The following PMF1 variants were observed in gnomAD, a reference collection of about 807,000 sequenced individuals.
PMF1 encodes the protein polyamine modulated factor 1.
In PMF1, 21 loss-of-function variants were observed where a neutral mutation model predicts 26.7. That is an observed-to-expected ratio of 0.79 (90% CI 0.56 to 1.13). The LOEUF (loss-of-function observed/expected upper bound fraction) is 1.13. PMF1 is among the 50% of genes most tolerant of loss of function. The pLI is 0.00. For missense variants in PMF1, 266 were observed against 254.9 expected (o/e 1.04, Z -0.30); for synonymous variants, 105 against 101.0 (o/e 1.04, Z -0.24).
At chr1:156,237,148 CT>C (rs926124450) in intron 4 of PMF1, 7 of 152,472 alleles carry the variant, frequency 4.6e-5, no homozygotes, top group Non-Finnish European at 8.8e-5. Context: ...TCTCGAACTC[CT>C]GGCCTCAAGC....
intron 4 of PMF1, chr1:156,236,754 G>A: frequency 2.0e-6 from 1 of 490,902 alleles, no homozygotes; most frequent in African/African-American, 1.9e-5. Context: ...GAGGGCAGGT[G>A]AGTCACCCAA....
At chr1:156,235,341 C>T (rs539730737) in intron 3 of PMF1, among the ~76,000 whole-genome samples, 6 of 151,816 alleles carry the variant, frequency 4.0e-5, no homozygotes, top group African/African-American at 1.4e-4. Context: ...CCAGGCTGGT[C>T]CCAAACACCG....
intron 1 of PMF1, among the ~76,000 whole-genome samples, chr1:156,230,486 A>C (rs1052478034): frequency 2.0e-5 from 3 of 151,918 alleles, no homozygotes; most frequent in Non-Finnish European, 1.5e-5. Flanking sequence ...AGTCTTATCC[A>C]CCTCGAATAC....
At chr1:156,225,540 G>GT (rs1658321816) in intron 1 of PMF1, 1 of 1,453,714 alleles carries the variant, frequency 6.9e-7, no homozygotes, top group East Asian at 2.5e-5. Context: ...TTCTCAGCCT[G>GT]TTTGTTTTGT....
chr1:156,228,373 C>T (rs1270690791), intron 1 of PMF1, among the ~76,000 whole-genome samples: 1 of 145,458 alleles, frequency 6.9e-6, no homozygotes, highest in African/African-American at 2.6e-5. Flanking sequence ...TCTGCATTGG[C>T]TCTCAAGAAA....
At chr1:156,228,675 G>T (rs1658525254) in intron 1 of PMF1, among the ~76,000 whole-genome samples, 1 of 152,162 alleles carries the variant, frequency 6.6e-6, no homozygotes, top group Non-Finnish European at 1.5e-5. Context: ...TCCGCCTGCT[G>T]AGTAGGCTGG....
intron 1 of PMF1, among the ~76,000 whole-genome samples, chr1:156,223,088 G>A (rs1249917653): frequency 2.0e-5 from 3 of 152,218 alleles, no homozygotes; most frequent in African/African-American, 4.8e-5. Flanking sequence ...TGAATATGCA[G>A]GTGATGCCTG....
chr1:156,221,618 A>G (rs1658086362), intron 1 of PMF1, among the ~76,000 whole-genome samples: 1 of 152,188 alleles, frequency 6.6e-6, no homozygotes, highest in Non-Finnish European at 1.5e-5. Context: ...ATAGTTTTAG[A>G]TAAATGGGGA....
intron 1 of PMF1, among the ~76,000 whole-genome samples, chr1:156,229,505 G>T (rs1370347861): frequency 1.3e-5 from 2 of 151,868 alleles, no homozygotes; most frequent in Non-Finnish European, 2.9e-5. Context: ...TACCTCAAGA[G>T]CAGAGTAAAA....
At chr1:156,213,830 A>G (rs1041688958) in intron 1 of PMF1, among the ~76,000 whole-genome samples, 4 of 152,248 alleles carry the variant, frequency 2.6e-5, no homozygotes, top group South Asian at 2.1e-4. Flanking sequence ...TTATGAGAAT[A>G]TCTTCTTCAC....
chr1:156,214,976 C>T (rs1217588409), intron 1 of PMF1, among the ~76,000 whole-genome samples: 2 of 151,560 alleles, frequency 1.3e-5, no homozygotes, highest in Non-Finnish European at 2.9e-5. Flanking sequence ...CTGCCGGGTT[C>T]AAGTGATTCT....
At chr1:156,231,140 G>A (rs905362070) in intron 1 of PMF1, among the ~76,000 whole-genome samples, 24 of 144,382 alleles carry the variant, frequency 1.7e-4, no homozygotes, top group Non-Finnish European at 3.1e-4. Context: ...TGGTGTGAAC[G>A]CGGGAGGCGG....
intron 4 of PMF1, among the ~76,000 whole-genome samples, chr1:156,238,779 G>A (rs868620757): frequency 1.9e-4 from 29 of 152,164 alleles, no homozygotes; most frequent in Non-Finnish European, 3.8e-4. Context: ...GTGGAAGGCC[G>A]GCAGCCGCTC....
In PMF1 at chr1:156,236,342, C is replaced by T; in HGVS notation, c.423C>T (p.Phe141=). The T allele has an allele frequency of 6.2e-7, 1 of 1,614,238 alleles. No homozygotes were observed. The highest frequency in any genetic ancestry group is 8.5e-7 in the Non-Finnish European group (1 of 1,180,030). ...TGCACAGTGTTATGGCACCCTACTTCCTGCAGCAACGGGACACCCTGCGGC... is the reference window on the plus strand; with the variant it reads ...TGCACAGTGTTATGGCACCCTACTTTCTGCAGCAACGGGACACCCTGCGGC... ...KDLHSVMAPY[F]LQQRDTLRRH... The change falls in exon 4 of 5, where the codon TTC becomes TTT. Residue 141 remains phenylalanine (F), a synonymous_variant. Transcript: ENST00000368277.
At chr1:156,229,645 A>C (rs188641621) in intron 1 of PMF1, among the ~76,000 whole-genome samples, 29 of 151,032 alleles carry the variant, frequency 1.9e-4, no homozygotes, top group Middle Eastern at 6.8e-3. Flanking sequence ...ATCTCAGCTC[A>C]CGGCAACCTC....
At chr1:156,235,244 C>A (rs981482425) in intron 3 of PMF1, among the ~76,000 whole-genome samples, 4 of 151,646 alleles carry the variant, frequency 2.6e-5, no homozygotes, top group African/African-American at 9.7e-5. Flanking sequence ...CCTGCCTCAG[C>A]CTCCCGAGTA....
chr1:156,237,604 AC>A (rs1229694047), intron 4 of PMF1, among the ~76,000 whole-genome samples: 1 of 151,112 alleles, frequency 6.6e-6, no homozygotes, highest in Non-Finnish European at 1.5e-5. Flanking sequence ...GAGCTGCCAC[AC>A]CCAGCTAAAT....
intron 3 of PMF1, among the ~76,000 whole-genome samples, chr1:156,235,181 G>A (rs1391254328): frequency 6.6e-6 from 1 of 151,000 alleles, no homozygotes; most frequent in Non-Finnish European, 1.5e-5. Context: ...CTAGAGTACA[G>A]TGGTGCGATC....
chr1:156,227,531 C>G (rs570107829), intron 1 of PMF1, among the ~76,000 whole-genome samples: 2 of 150,186 alleles, frequency 1.3e-5, no homozygotes, highest in African/African-American at 2.4e-5. Context: ...GAGTCTTGCT[C>G]TGTCGCCCAG....
Sources: allele counts gnomAD v4.1 joint callset (sites outside exome capture counted in the v4.1 genomes callset), GRCh38; gene constraint gnomAD v4.1.1; transcripts MANE v1.5; gene names NCBI Gene and HGNC (gene_info 2026-07-23, HGNC 2026-07-21).